The following ARHGEF33 variants were observed in gnomAD, a reference collection of about 807,000 sequenced individuals.
The protein encoded by ARHGEF33 is DH and coiled-coil domain-containing protein ENSP00000381780.
In ARHGEF33, 72 loss-of-function variants were observed where a neutral mutation model predicts 101.9. The ratio of observed to expected loss-of-function variants is 0.71; its 90% CI spans 0.58 to 0.86. ARHGEF33 has a LOEUF of 0.86. Ranked by LOEUF, ARHGEF33 falls within the 40% of genes least tolerant of loss-of-function variation. The pLI is 0.00. For missense variants in ARHGEF33, 1,169 were observed against 1,111.3 expected (o/e 1.05, Z -0.74); for synonymous variants, 499 against 442.5 (o/e 1.13, Z -1.60).
At chr2:38,951,230 C>A in intron 11 of ARHGEF33, 109 bp downstream of exon 11, 1 of 1,001,598 alleles carries the variant, frequency 1.0e-6, no homozygotes, top group Non-Finnish European at 1.5e-6. Context: ...CAGCTAGAAC[C>A]ACTGAGATCT....
At chr2:38,962,925 G>A (rs914255045) in intron 16 of ARHGEF33, among the ~76,000 whole-genome samples, 3 of 149,944 alleles carry the variant, frequency 2.0e-5, no homozygotes, top group South Asian at 2.1e-4. Context: ...TCAGGAGGCT[G>A]AGGCGAGAGA....
At chr2:38,931,075 C>T in intron 6 of ARHGEF33, 34 bp from the exon 7 acceptor site, 1 of 1,515,542 alleles carries the variant, frequency 6.6e-7, no homozygotes, top group Non-Finnish European at 8.8e-7. Flanking sequence ...ATATTAAGAA[C>T]CAGAATAGCC....
chr2:38,896,818 A>G (rs1046550168), intron 2 of ARHGEF33, among the ~76,000 whole-genome samples: 1 of 152,240 alleles, frequency 6.6e-6, no homozygotes, highest in Non-Finnish European at 1.5e-5. Flanking sequence ...TTAAAAGCCC[A>G]TCATCCTACC....
chr2:38,937,206 G>A (rs1667163732), intron 8 of ARHGEF33, 129 bp from the exon 9 acceptor site: 1 of 609,418 alleles, frequency 1.6e-6, no homozygotes, highest in East Asian at 2.8e-5. Context: ...ATGTTAGCCA[G>A]GATGGTCTCA....
chr2:38,905,841 T>A (rs913236556), intron 2 of ARHGEF33, among the ~76,000 whole-genome samples: 1 of 152,140 alleles, frequency 6.6e-6, no homozygotes, highest in Non-Finnish European at 1.5e-5. Context: ...CAGAACAAGA[T>A]GAAATGAGCA....
chr2:38,918,798 T>C (rs1239100176), intron 2 of ARHGEF33, among the ~76,000 whole-genome samples: 4 of 146,488 alleles, frequency 2.7e-5, no homozygotes, highest in Non-Finnish European at 5.9e-5. Flanking sequence ...TTCAGCACTT[T>C]GGGAGGCCGA....
intron 4 of ARHGEF33, among the ~76,000 whole-genome samples, chr2:38,926,806 C>T (rs911788818): frequency 3.3e-5 from 5 of 152,076 alleles, no homozygotes; most frequent in South Asian, 4.2e-4. Context: ...GATAGTGGTT[C>T]CCTTTTTATT....
intron 17 of ARHGEF33, among the ~76,000 whole-genome samples, chr2:38,967,840 A>G (rs1184848927): frequency 6.9e-6 from 1 of 144,822 alleles, no homozygotes; most frequent in Non-Finnish European, 1.5e-5. Context: ...TCGGCCTCCC[A>G]AAGTGTTGGG....
Position 38,958,149 on chromosome 2 carries a change from G to T in ARHGEF33, c.1486G>T (p.Glu496Ter). 6.4e-7 allele frequency: 1 copy of T among 1,551,912 alleles called. No homozygotes were observed. The highest frequency in any genetic ancestry group is 8.7e-7 in the Non-Finnish European group (1 of 1,147,050). The change falls in exon 15 of 18, where the codon GAG becomes TAG. Residue 496 changes from glutamate to a stop codon, truncating the protein, a stop_gained. Coordinates refer to ENST00000409978, the MANE Select transcript of ARHGEF33 (RefSeq NM_001145451.5). LOFTEE classifies it high-confidence loss of function. The stretch of plus-strand genomic sequence containing the variant: ...CCGTGACACTGGGATCCACTCAGAA[G>T]AGTTGCTGCAACCCTACCCTTCTGC... ...AVRDTGIHSE[E>*]LLQPYPSAPS...
rs1668235336 is a variant in ARHGEF33 at position 38,974,549 on chromosome 2, A to AT, written c.*710dup. The AT allele has an allele frequency of 6.6e-6, 1 of 152,016 alleles. No homozygotes were observed. The highest frequency in any genetic ancestry group is 2.4e-5 in the African/African-American group (1 of 41,364). 9.4% of individuals were successfully genotyped at this position (152,016 alleles called of 1,614,324 possible). A position where few individuals can be genotyped will look rare whatever the true frequency, so the allele number is the denominator to read the frequency against. ...TGGGGAGAGAGGAAGGCAAAGAAAC[A>AT]TTTTCCCTTGTGTGGGTTGAGCTGA... is the stretch of plus-strand genomic sequence containing the variant. On this transcript the variant is annotated 3_prime_UTR_variant, in exon 18 of 18. Coordinates refer to ENST00000409978, the MANE Select transcript of ARHGEF33 (RefSeq NM_001145451.5).
rs182613126 is a variant in ARHGEF33, at chr2:38,967,825, C to T, written c.2483+1680C>T. Among the ~76,000 whole-genome samples the T allele has an allele frequency of 4.3e-4, 64 of 150,242 alleles. 2 individuals carry two copies. The East Asian group carries it at 0.012, about 28-fold the overall frequency. ...GAACTCCTGACCTCAAGTGATCCAT[C>T]TGCCTCGGCCTCCCAAAGTGTTGGG... On this transcript the variant is annotated intron_variant, in intron 17 of 17. Transcript: ENST00000409978.
intron 14 of ARHGEF33, among the ~76,000 whole-genome samples, chr2:38,957,711 T>C (rs1667804224): frequency 6.6e-6 from 1 of 152,146 alleles, no homozygotes; most frequent in Non-Finnish European, 1.5e-5. Context: ...CCAACTCCTG[T>C]GGAGGAGAAC....
intron 4 of ARHGEF33, among the ~76,000 whole-genome samples, chr2:38,927,687 C>A (rs552458055): frequency 9.2e-5 from 14 of 152,298 alleles, no homozygotes; most frequent in South Asian, 6.2e-4. Flanking sequence ...CAGAGCAAGA[C>A]CCTGTCTCAA....
intron 2 of ARHGEF33, among the ~76,000 whole-genome samples, chr2:38,908,486 C>T (rs1206021190): frequency 6.6e-6 from 1 of 152,180 alleles, no homozygotes; most frequent in Non-Finnish European, 1.5e-5. Context: ...GTGTGTGTGA[C>T]AGCATGCTGA....
intron 10 of ARHGEF33, among the ~76,000 whole-genome samples, chr2:38,948,318 G>A (rs187191387): frequency 3.1e-4 from 47 of 152,188 alleles, no homozygotes; most frequent in Middle Eastern, 3.4e-3. Flanking sequence ...TCAATGTTTC[G>A]TATAGAATCC....
In ARHGEF33 at chr2:38,975,046, T is replaced by G. The variant is rs1418266806; in HGVS notation, c.*1203T>G. 1 of 152,134 alleles carries G rather than the reference T, an allele frequency of 6.6e-6. No individual in the cohort carries two copies. Among genetic ancestry groups the G allele is most frequent in the African/African-American group, 2.4e-5 (1 of 41,438 alleles). The allele number at this position is 152,134 out of a possible 1,614,324, so 9.4% of individuals were successfully genotyped here. A position where few individuals can be genotyped will look rare whatever the true frequency, so the allele number is the denominator to read the frequency against. ...TCCCAGGCAGTTCGGTATAGTAAAT[T>G]AGGGGTATTTGGTTTCTGTTCATTC... On this transcript the variant is annotated 3_prime_UTR_variant, in exon 18 of 18. Transcript: ENST00000409978.
chr2:38,916,704 C>T (rs1252532490), intron 2 of ARHGEF33, among the ~76,000 whole-genome samples: 1 of 152,166 alleles, frequency 6.6e-6, no homozygotes, highest in East Asian at 1.9e-4. Context: ...TGTACCCTCC[C>T]ACCCTGCCAA....
intron 10 of ARHGEF33, among the ~76,000 whole-genome samples, chr2:38,950,034 T>C (rs1256911610): frequency 2.0e-5 from 3 of 152,140 alleles, no homozygotes; most frequent in Non-Finnish European, 4.4e-5. Flanking sequence ...CCAAGCCCAC[T>C]TCCAACACTG....
At position 38,921,369 on chromosome 2, in the gene ARHGEF33, T is replaced by G. The variant is rs1666752482; in HGVS notation, c.26-5T>G. On this transcript the variant is annotated splice_region_variant and splice_polypyrimidine_tract_variant and intron_variant, in intron 3 of 17. Coordinates refer to ENST00000409978, the MANE Select transcript of ARHGEF33 (RefSeq NM_001145451.5). ...TTGATTAAACAAAGCTCTTTCTCCC[T>G]GCAGGAGAGAATGAACATATGCCGG... 3 of 1,525,650 alleles carry G rather than the reference T, an allele frequency of 2.0e-6. No homozygotes were observed. The South Asian group carries it at 3.6e-5, about 18-fold the overall frequency. 94.5% of individuals were successfully genotyped at this position (1,525,650 alleles called of 1,614,324 possible).
Sources: gnomAD v4.1 joint callset for allele counts (sites outside exome capture counted in the v4.1 genomes callset) on GRCh38, gnomAD v4.1.1 for gene constraint, MANE v1.5 for transcripts, NCBI Gene and HGNC (gene_info 2026-07-23, HGNC 2026-07-21) for gene names.